HRH2: variants seen among roughly 807,000 people sequenced by gnomAD.
The protein encoded by HRH2 is histamine H2 receptor.
A neutral mutation model predicts 20.1 loss-of-function variants in HRH2; 4 were observed. The observed-to-expected ratio is 0.20, with a 90% CI of 0.10 to 0.45. HRH2 has a LOEUF of 0.45. Among genes scored for constraint, HRH2 ranks in the 20% least tolerant of loss-of-function variants. The pLI is 0.99. For synonymous variants in HRH2, 197 were observed against 200.7 expected, an observed-to-expected ratio of 0.98 and a Z score of 0.16; for missense variants, 250 against 461.6, an observed-to-expected ratio of 0.54 and a Z score of 4.20.
chr5:175,664,971 G>A (rs867431671), intron 1 of HRH2, among the ~76,000 whole-genome samples: 7 of 152,318 alleles, frequency 4.6e-5, no homozygotes, highest in Non-Finnish European at 7.3e-5. Context: ...GGATAGAGGC[G>A]ATCCGGTTTG....
At chr5:175,678,001 C>T (rs529244224) in intron 1 of HRH2, among the ~76,000 whole-genome samples, 2 of 152,234 alleles carry the variant, frequency 1.3e-5, no homozygotes, top group Admixed American at 6.5e-5. Flanking sequence ...CCATGTTCAC[C>T]CAGTTACCTT....
chr5:175,687,038 G>A lies in HRH2; in HGVS notation c.1076+2729G>A, dbSNP rs150855106. Among the ~76,000 whole-genome samples, 674 of 152,252 alleles carry A rather than the reference G, an allele frequency of 4.4e-3. No individual in the cohort carries two copies. The highest frequency in any genetic ancestry group is 7.3e-3 in the Non-Finnish European group (498 of 67,996). ...GCCTCCCAGGGTCATGCATGCAGCC[G>A]TGGAGGCAGGGCCAGATCCGAGTCC... On this transcript the variant is annotated intron_variant, in intron 2 of 2. Coordinates refer to ENST00000636584, the MANE Select transcript of HRH2 (RefSeq NM_001367711.1). This position sits in a 1 kb window ranked among gnomAD's most constrained non-coding sequence, Gnocchi z 5.2.
intron 1 of HRH2, among the ~76,000 whole-genome samples, chr5:175,669,256 A>G (rs1323216214): frequency 2.0e-5 from 3 of 152,076 alleles, no homozygotes; most frequent in East Asian, 1.9e-4. Flanking sequence ...CATTTTGCCA[A>G]TCGTCTTTCA....
intron 2 of HRH2, chr5:175,685,293 G>C (rs1012739495): frequency 1.1e-6 from 1 of 931,066 alleles, no homozygotes; most frequent in Non-Finnish European, 1.6e-6. Context: ...TGTGAGGAGA[G>C]ACAGCTTACT....
intron 2 of HRH2, among the ~76,000 whole-genome samples, chr5:175,689,290 C>T (rs1254245947): frequency 6.0e-5 from 9 of 151,178 alleles, no homozygotes; most frequent in Admixed American, 5.9e-4. Flanking sequence ...TGGTGTCTAA[C>T]CCCATGCAGG....
In HRH2 at chr5:175,683,016, T is replaced by G. The variant is rs1756039398; in HGVS notation, c.-218T>G. 1.7e-6 allele frequency: 1 copy of G among 587,586 alleles called. No individual in the cohort carries two copies. Among genetic ancestry groups the G allele is most frequent in the Non-Finnish European group, 3.0e-6 (1 of 337,764 alleles). The allele number at this position is 587,586 out of a possible 1,614,324, so 36.4% of individuals were successfully genotyped here. On this transcript the variant is annotated 5_prime_UTR_variant, in exon 2 of 3. Coordinates refer to ENST00000636584, the MANE Select transcript of HRH2 (RefSeq NM_001367711.1). ...TTCATTCATATTCATTCCCAACACC[T>G]TAGAAGGTGTTGCTTAATTTATTTC... is the stretch of plus-strand genomic sequence containing the variant.
At chr5:175,678,643 G>C (rs981322029) in intron 1 of HRH2, among the ~76,000 whole-genome samples, 1 of 152,236 alleles carries the variant, frequency 6.6e-6, no homozygotes, top group East Asian at 1.9e-4. Flanking sequence ...CGTGACGCTC[G>C]CCCAGAAGGG....
chr5:175,688,232 G>A (rs1209794860), intron 2 of HRH2, among the ~76,000 whole-genome samples: 1 of 152,216 alleles, frequency 6.6e-6, no homozygotes, highest in Non-Finnish European at 1.5e-5. Flanking sequence ...CATCGAAACT[G>A]CAAAGTCCCT....
Position 175,692,990 on chromosome 5 carries a change from A to G in HRH2, c.1076+8681A>G, listed in dbSNP as rs1329690681. ...GCAGGTGAGGGTGCAGGCTGGGCAT[A>G]GGGCGGGACTGCAGAGAGAGCCCCA... On this transcript the variant is annotated intron_variant, in intron 2 of 2. Coordinates refer to ENST00000636584, the MANE Select transcript of HRH2 (RefSeq NM_001367711.1). Among the ~76,000 whole-genome samples the G allele has an allele frequency of 4.6e-5, 7 of 152,190 alleles. No individual in the cohort carries two copies. In the East Asian group the frequency reaches 9.6e-4, roughly 21 times the overall value.
chr5:175,683,032 A>AATTT lies in HRH2; in HGVS notation c.-197_-194dup, dbSNP rs1756039479. ...CCCAACACCTTAGAAGGTGTTGCTT[A>AATTT]ATTTATTTCTAGAAAAGCAGCCCAG... On this transcript the variant is annotated 5_prime_UTR_variant, in exon 2 of 3. The change abolishes the stop of an existing upstream ORF in the 5' untranslated region. Coordinates refer to ENST00000636584, the MANE Select transcript of HRH2 (RefSeq NM_001367711.1). 1.6e-6 allele frequency: 1 copy of AATTT among 624,852 alleles called. No individual in the cohort carries two copies. Among genetic ancestry groups the AATTT allele is most frequent in the Admixed American group, 2.8e-5 (1 of 35,108 alleles). The allele number at this position is 624,852 out of a possible 1,614,324, so 38.7% of individuals were successfully genotyped here. A position where few individuals can be genotyped will look rare whatever the true frequency, so the allele number is the denominator to read the frequency against.
intron 2 of HRH2, among the ~76,000 whole-genome samples, chr5:175,707,488 T>C (rs1177473921): frequency 6.6e-6 from 1 of 152,176 alleles, no homozygotes; most frequent in African/African-American, 2.4e-5. Context: ...TTATCTTCAT[T>C]TGAAGTCCAG....
rs1042829047 is a variant in HRH2 at position 175,698,283 on chromosome 5, T to C, written c.1077-9496T>C. Among the ~76,000 whole-genome samples the C allele has an allele frequency of 4.1e-4, 63 of 152,244 alleles. 1 individual carries two copies. Among genetic ancestry groups the C allele is most frequent in the African/African-American group, 1.4e-3 (60 of 41,466 alleles). On this transcript the variant is annotated intron_variant, in intron 2 of 2. Coordinates refer to ENST00000636584, the MANE Select transcript of HRH2 (RefSeq NM_001367711.1). The stretch of plus-strand genomic sequence containing the variant: ...CTCCGTATCCCTCGTATTATCCGTC[T>C]GTGCCGTTTCGCCTAATCCATTTAG...
intron 2 of HRH2, among the ~76,000 whole-genome samples, chr5:175,690,178 AC>A (rs988254422): frequency 6.6e-6 from 1 of 150,408 alleles, no homozygotes; most frequent in Admixed American, 6.6e-5. Context: ...AGGGCAGCTC[AC>A]CCCACAGTCA....
chr5:175,678,234 C>T (rs1484289123), intron 1 of HRH2, among the ~76,000 whole-genome samples: 1 of 152,220 alleles, frequency 6.6e-6, no homozygotes, highest in African/African-American at 2.4e-5. Context: ...GCCCAGTCCC[C>T]AGCACAGTGT....
chr5:175,663,837 A>G (rs1762807233), intron 1 of HRH2, among the ~76,000 whole-genome samples: 1 of 152,198 alleles, frequency 6.6e-6, no homozygotes, highest in African/African-American at 2.4e-5. Flanking sequence ...AGGTGTGACT[A>G]CACCTTTGAC....
At chr5:175,661,173 T>A (rs1460948200) in intron 1 of HRH2, among the ~76,000 whole-genome samples, 1 of 152,046 alleles carries the variant, frequency 6.6e-6, no homozygotes, top group Non-Finnish European at 1.5e-5. Flanking sequence ...ATCCTACTCA[T>A]CCTTCAAGAT....
chr5:175,689,316 G>T (rs1756283230), intron 2 of HRH2, among the ~76,000 whole-genome samples: 1 of 148,154 alleles, frequency 6.7e-6, no homozygotes, highest in African/African-American at 2.5e-5. Context: ...CTCAGCCCAG[G>T]CCCCCTTCTT....
At chr5:175,692,858 G>A (rs994022796) in intron 2 of HRH2, among the ~76,000 whole-genome samples, 16 of 152,348 alleles carry the variant, frequency 1.1e-4, no homozygotes, top group South Asian at 6.2e-4. Flanking sequence ...TCTGGCAAGG[G>A]TGGTGAGGAA....
intron 1 of HRH2, among the ~76,000 whole-genome samples, chr5:175,670,098 C>T (rs1223037896): frequency 6.6e-6 from 1 of 152,170 alleles, no homozygotes; most frequent in African/African-American, 2.4e-5. Flanking sequence ...AGGCTTCTAG[C>T]ACCAGGCTCC....
Sources: gnomAD v4.1 joint callset for allele counts (sites outside exome capture counted in the v4.1 genomes callset) on GRCh38, gnomAD v4.1.1 for gene constraint, Gnocchi (gnomAD v3.1) non-coding constraint, MANE v1.5 for transcripts, NCBI Gene and HGNC (gene_info 2026-07-23, HGNC 2026-07-21) for gene names.